The following AP4S1 variants were observed in gnomAD, a reference collection of about 807,000 sequenced individuals.
The protein encoded by AP4S1 is adaptor related protein complex 4 subunit sigma 1.
AP4S1 carries 23 observed loss-of-function variants against 19.8 expected under a neutral mutation model. The observed-to-expected ratio is 1.16, with a 90% CI of 0.84 to 1.65. AP4S1 has a LOEUF of 1.65. AP4S1 is among the 40% of genes most tolerant of loss of function. AP4S1 has a pLI of 0.00. For missense variants in AP4S1, 166 were observed against 172.8 expected (o/e 0.96, Z 0.22); for synonymous variants, 46 against 54.1 (o/e 0.85, Z 0.66).
chr14:31,065,850 CA>C (rs983429992), intron 1 of AP4S1, among the ~76,000 whole-genome samples: 4 of 151,936 alleles, frequency 2.6e-5, no homozygotes, highest in African/African-American at 7.3e-5. Flanking sequence ...TTAGTAGAGA[CA>C]GGGTTTCACC....
intron 1 of AP4S1, among the ~76,000 whole-genome samples, chr14:31,064,975 G>A (rs1391102878): frequency 6.6e-6 from 1 of 152,058 alleles, no homozygotes; most frequent in Non-Finnish European, 1.5e-5. Context: ...AAGGATAACA[G>A]AAGTACCTAC....
At chr14:31,073,344 G>T (rs1887142221) in intron 4 of AP4S1, among the ~76,000 whole-genome samples, 1 of 139,272 alleles carries the variant, frequency 7.2e-6, no homozygotes, top group Non-Finnish European at 1.6e-5. Flanking sequence ...CAAAAAATTA[G>T]CTGGGCGTGG....
At chr14:31,047,845 C>T (rs867797350) in intron 1 of AP4S1, among the ~76,000 whole-genome samples, 4 of 151,974 alleles carry the variant, frequency 2.6e-5, no homozygotes, top group African/African-American at 9.7e-5. Context: ...CTGCCACACC[C>T]GGTTAATTTT....
chr14:31,064,593 AT>A (rs1402443493), intron 1 of AP4S1, among the ~76,000 whole-genome samples: 1 of 152,092 alleles, frequency 6.6e-6, no homozygotes, highest in Non-Finnish European at 1.5e-5. Context: ...AAATGCTGGG[AT>A]TACAGGCATG....
Position 31,025,703 on chromosome 14 carries a change from G to A in AP4S1, c.-156G>A, listed in dbSNP as rs73251993. On this transcript the variant is annotated 5_prime_UTR_variant, in exon 1 of 6. Coordinates refer to ENST00000542754, the MANE Select transcript of AP4S1 (RefSeq NM_001128126.3). ...GGCCCGCACCGCGTAGCCAGTGAAG[G>A]TTGGGGAGCAAGCTTATGCGGGAAA... is the stretch of plus-strand genomic sequence containing the variant. 2,038 of 786,212 alleles carry A rather than the reference G, an allele frequency of 2.6e-3. 28 individuals carry two copies. The African/African-American group carries it at 0.032, about 12-fold the overall frequency. 48.7% of individuals were successfully genotyped at this position (786,212 alleles called of 1,614,324 possible).
At chr14:31,081,371 A>G (rs1341990658) in intron 5 of AP4S1, among the ~76,000 whole-genome samples, 1 of 152,098 alleles carries the variant, frequency 6.6e-6, no homozygotes, top group Non-Finnish European at 1.5e-5. Flanking sequence ...TTGCTATCAA[A>G]TGTATTCATT....
chr14:31,073,787 G>A (rs1265732442), intron 4 of AP4S1, among the ~76,000 whole-genome samples: 6 of 150,464 alleles, frequency 4.0e-5, no homozygotes, highest in South Asian at 2.1e-4. Context: ...TGATCCACCC[G>A]CCCGCCTCGG....
chr14:31,043,228 A>G (rs1256550053), intron 1 of AP4S1, among the ~76,000 whole-genome samples: 2 of 150,622 alleles, frequency 1.3e-5, no homozygotes, highest in Admixed American at 6.6e-5. Flanking sequence ...CAAAAAAGAA[A>G]AAAAAAAAAG....
Position 31,038,423 on chromosome 14 carries a change from G to A in AP4S1, c.-72+12636G>A, listed in dbSNP as rs181583897. Among the ~76,000 whole-genome samples, 34 of 152,266 alleles carry A rather than the reference G, an allele frequency of 2.2e-4. 1 individual carries two copies. The highest frequency in any genetic ancestry group is 5.9e-4 in the Admixed American group (9 of 15,288). On this transcript the variant is annotated intron_variant, in intron 1 of 5. Coordinates refer to ENST00000542754, the MANE Select transcript of AP4S1 (RefSeq NM_001128126.3). ...GTTAGAATTGTACCTTTTGTGGTGT[G>A]CTCCAGGGTCAAGATCTAAGCTAGC...
At chr14:31,061,571 G>A (rs1886441367) in intron 1 of AP4S1, among the ~76,000 whole-genome samples, 1 of 152,150 alleles carries the variant, frequency 6.6e-6, no homozygotes. Context: ...CTCCTAAGCA[G>A]CAGATTGGGA....
At chr14:31,059,723 C>T (rs1265719870) in intron 1 of AP4S1, among the ~76,000 whole-genome samples, 1 of 151,934 alleles carries the variant, frequency 6.6e-6, no homozygotes, top group Non-Finnish European at 1.5e-5. Context: ...GCTTATCTTC[C>T]TGGAAAAGGG....
chr14:31,038,968 G>A (rs1594634368), intron 1 of AP4S1, among the ~76,000 whole-genome samples: 1 of 147,228 alleles, frequency 6.8e-6, no homozygotes, highest in East Asian at 2.0e-4. Context: ...TGACTCATTT[G>A]TTTTTGTTTT....
At chr14:31,080,762 C>T (rs1414995591) in intron 5 of AP4S1, 178 bp downstream of exon 5, 12 of 841,810 alleles carry the variant, frequency 1.4e-5, no homozygotes, top group Non-Finnish European at 1.0e-5. Flanking sequence ...AACTTCGTCA[C>T]CCTGCTTCAA....
At chr14:31,082,509 G>T (rs1386348294) in intron 5 of AP4S1, among the ~76,000 whole-genome samples, 1 of 152,208 alleles carries the variant, frequency 6.6e-6, no homozygotes, top group African/African-American at 2.4e-5. Context: ...TGGGAGTAGA[G>T]AACTCAATTT....
intron 1 of AP4S1, among the ~76,000 whole-genome samples, chr14:31,039,548 C>T (rs1256205974): frequency 2.7e-5 from 4 of 147,748 alleles, no homozygotes; most frequent in African/African-American, 1.0e-4. Flanking sequence ...TTAGGAAGGT[C>T]TTAAATACAA....
At chr14:31,056,419 C>T (rs531380497) in intron 1 of AP4S1, among the ~76,000 whole-genome samples, 5 of 151,678 alleles carry the variant, frequency 3.3e-5, no homozygotes, top group East Asian at 3.9e-4. Flanking sequence ...AGTGCAGTGG[C>T]GCGATCTCAG....
Position 31,084,702 on chromosome 14 carries a change from C to T in AP4S1, c.306+4118C>T, listed in dbSNP as rs1336671594. 1.4e-5 allele frequency: 23 copies of T among 1,605,744 alleles called. No homozygotes were observed. In the South Asian group the frequency reaches 1.9e-4, roughly 13 times the overall value. The stretch of plus-strand genomic sequence containing the variant: ...AGCCTGTTTCTACAGGGAGACTTTG[C>T]CCCATCACATACCTTGGTAGATTTA... On this transcript the variant is annotated intron_variant, in intron 5 of 5. Transcript: ENST00000542754.
At chr14:31,083,021 C>A (rs891268039) in intron 5 of AP4S1, among the ~76,000 whole-genome samples, 16 of 151,964 alleles carry the variant, frequency 1.1e-4, no homozygotes, top group Admixed American at 3.9e-4. Flanking sequence ...TCTTACAAGA[C>A]TAGATATTGA....
chr14:31,029,860 A>C (rs1884285628), intron 1 of AP4S1, among the ~76,000 whole-genome samples: 1 of 152,124 alleles, frequency 6.6e-6, no homozygotes, highest in Non-Finnish European at 1.5e-5. Flanking sequence ...AAAAAAAAAA[A>C]AGAAAATACT....
Sources: gnomAD v4.1 joint callset for allele counts (sites outside exome capture counted in the v4.1 genomes callset) on GRCh38, gnomAD v4.1.1 for gene constraint, MANE v1.5 for transcripts, NCBI Gene and HGNC (gene_info 2026-07-23, HGNC 2026-07-21) for gene names.